LAMP1: variants seen among roughly 807,000 people sequenced by gnomAD.
LAMP1 encodes the protein lysosome associated membrane protein 1.
LAMP1 carries 7 observed loss-of-function variants against 37.5 expected under a neutral mutation model. The ratio of observed to expected loss-of-function variants is 0.19; its 90% CI spans 0.11 to 0.35. LAMP1 has a LOEUF of 0.35. Ranked by LOEUF, LAMP1 falls within the 10% of genes least tolerant of loss-of-function variation. The pLI is 1.00. For synonymous variants in LAMP1, 236 were observed against 229.1 expected, an observed-to-expected ratio of 1.03 and a Z score of -0.27; for missense variants, 537 against 552.8, an observed-to-expected ratio of 0.97 and a Z score of 0.29.
chr13:113,305,103 T>C (rs2042591908), intron 1 of LAMP1: 1 of 152,240 alleles, frequency 6.6e-6, no homozygotes, highest in Non-Finnish European at 1.5e-5. Flanking sequence ...AAGGTTGAAA[T>C]GAGTCGGATT....
chr13:113,301,893 C>T (rs1187737344), intron 1 of LAMP1, among the ~76,000 whole-genome samples: 4 of 124,540 alleles, frequency 3.2e-5, no homozygotes, highest in South Asian at 2.4e-4. Flanking sequence ...GACGGAGTCT[C>T]GCTCTGTCGC....
chr13:113,306,834 C>CTTTTTTTTTTTTTTTTTTT (rs780041684), intron 2 of LAMP1, among the ~76,000 whole-genome samples: 3 of 80,142 alleles, frequency 3.7e-5, no homozygotes, highest in African/African-American at 4.9e-5. Flanking sequence ...GAACATTTTC[C>CTTTTTTTTTTTTTTTTTTT]TTTTTTTTTT....
chr13:113,306,759 T>G (rs1427460371), intron 2 of LAMP1, among the ~76,000 whole-genome samples, 153 bp downstream of exon 2: 2 of 150,824 alleles, frequency 1.3e-5, no homozygotes, highest in Non-Finnish European at 3.0e-5. Context: ...ACCTGCGCTG[T>G]CATGTGCCAT....
chr13:113,297,617 G>A lies in LAMP1; in HGVS notation c.61+122G>A. Reference sequence around the variant, plus strand: ...GGGTCGCCCCGCACCCACTGCTCCTGGTCCCGGCCGGCTCTGCCCGCGGGC... The same window carrying A: ...GGGTCGCCCCGCACCCACTGCTCCTAGTCCCGGCCGGCTCTGCCCGCGGGC... On this transcript the variant is annotated intron_variant, in intron 1 of 8. Transcript: ENST00000332556. This position sits in a 1 kb window ranked among gnomAD's most constrained non-coding sequence, Gnocchi z 4.4. 1 of 930,932 alleles carries A rather than the reference G, an allele frequency of 1.1e-6. No individual in the cohort carries two copies. The highest frequency in any genetic ancestry group is 1.4e-6 in the Non-Finnish European group (1 of 734,726). 57.7% of individuals were successfully genotyped at this position (930,932 alleles called of 1,614,324 possible). A position where few individuals can be genotyped will look rare whatever the true frequency, so the allele number is the denominator to read the frequency against.
intron 1 of LAMP1, among the ~76,000 whole-genome samples, chr13:113,299,064 C>T (rs1044151129): frequency 2.0e-5 from 3 of 151,974 alleles, no homozygotes; most frequent in Non-Finnish European, 4.4e-5. Context: ...TGCTTGAACC[C>T]GGGAAGCAGA....
In LAMP1 at chr13:113,310,597, A is replaced by T. The variant is rs754386751; in HGVS notation, c.404-112A>T. ...TTGCAATTGTGATTTTTTTTTTTTA[A>T]TCTAGAAATCAAGACTGGAATCTAT... On this transcript the variant is annotated intron_variant, in intron 3 of 8. Transcript: ENST00000332556. 4.0e-4 allele frequency: 366 copies of T among 926,372 alleles called. 1 individual carries two copies. Among genetic ancestry groups the T allele is most frequent in the Non-Finnish European group, 5.2e-4 (332 of 636,540 alleles). The allele number at this position is 926,372 out of a possible 1,614,324, so 57.4% of individuals were successfully genotyped here. A position where few individuals can be genotyped will look rare whatever the true frequency, so the allele number is the denominator to read the frequency against.
Position 113,301,858 on chromosome 13 carries a change from C to CTTTTTTTTTTT in LAMP1, c.61+4375_61+4385dup, listed in dbSNP as rs539321614. Among the ~76,000 whole-genome samples the CTTTTTTTTTTT allele has an allele frequency of 2.1e-3, 159 of 74,310 alleles. 18 individuals are homozygous for CTTTTTTTTTTT. The East Asian group carries it at 0.032, about 15-fold the overall frequency. 48.8% of individuals were successfully genotyped at this position (74,310 alleles called of 152,430 possible). A position where few individuals can be genotyped will look rare whatever the true frequency, so the allele number is the denominator to read the frequency against. On this transcript the variant is annotated intron_variant, in intron 1 of 8. Coordinates refer to ENST00000332556, the MANE Select transcript of LAMP1 (RefSeq NM_005561.4). ...GCCAAGAAAAACTAAGATGTGATTTCTTTTTTTTTTTTTTTTTTTTTTGAG... is the reference window on the plus strand; with the variant it reads ...GCCAAGAAAAACTAAGATGTGATTTCTTTTTTTTTTTTTTTTTTTTTTTTTTTTTTTTTGAG...
intron 4 of LAMP1, among the ~76,000 whole-genome samples, chr13:113,313,008 A>G (rs904009948): frequency 6.6e-6 from 1 of 152,020 alleles, no homozygotes; most frequent in African/African-American, 2.4e-5. Context: ...AAGGGCACGC[A>G]CTCTCTGTCA....
Position 113,312,503 on chromosome 13 carries a change from T to A in LAMP1, c.562+1636T>A, listed in dbSNP as rs186217774. 3.5e-3 allele frequency among the ~76,000 whole-genome samples: 526 copies of A among 152,024 alleles called. 2 individuals carry two copies. The highest frequency in any genetic ancestry group is 4.9e-3 in the Non-Finnish European group (334 of 67,976). ...GGCAGACTTTGCCTTCCCTGGTGAGTGGGTGAAAAGGAGCCCAACTTGGAA... is the reference window on the plus strand; with the variant it reads ...GGCAGACTTTGCCTTCCCTGGTGAGAGGGTGAAAAGGAGCCCAACTTGGAA... On this transcript the variant is annotated intron_variant, in intron 4 of 8. Coordinates refer to ENST00000332556, the MANE Select transcript of LAMP1 (RefSeq NM_005561.4).
At chr13:113,319,181 G>A (rs559501709) in intron 4 of LAMP1, among the ~76,000 whole-genome samples, 3 of 152,350 alleles carry the variant, frequency 2.0e-5, no homozygotes, top group East Asian at 3.9e-4. Context: ...GGCTTGGGGT[G>A]TGGTGGGCGG....
intron 3 of LAMP1, 137 bp downstream of exon 3, chr13:113,309,999 C>T (rs565947200): frequency 1.9e-4 from 127 of 675,908 alleles, no homozygotes; most frequent in Non-Finnish European, 3.1e-4. Flanking sequence ...GAGGCTAAGG[C>T]AGACAGATCA....
In LAMP1 at chr13:113,306,834, C is replaced by CTTTTTTTTTTT. The variant is rs780041684; in HGVS notation, c.183+241_183+251dup. 5.8e-3 allele frequency among the ~76,000 whole-genome samples: 467 copies of CTTTTTTTTTTT among 80,162 alleles called. 70 individuals are homozygous for CTTTTTTTTTTT. The highest frequency in any genetic ancestry group is 7.3e-3 in the Non-Finnish European group (337 of 46,138). 52.6% of individuals were successfully genotyped at this position (80,162 alleles called of 152,430 possible). A position where few individuals can be genotyped will look rare whatever the true frequency, so the allele number is the denominator to read the frequency against. ...CTCACTGTTCATCATGAACATTTTCCTTTTTTTTTTTTTTTTTTTTTTTGA... is the reference window on the plus strand; with the variant it reads ...CTCACTGTTCATCATGAACATTTTCCTTTTTTTTTTTTTTTTTTTTTTTTTTTTTTTTTTGA... On this transcript the variant is annotated intron_variant, in intron 2 of 8. Transcript: ENST00000332556.
chr13:113,315,362 G>C (rs1482219811), intron 4 of LAMP1, among the ~76,000 whole-genome samples: 2 of 147,704 alleles, frequency 1.4e-5, no homozygotes, highest in African/African-American at 2.5e-5. Context: ...CGCTTCACCA[G>C]AAAGCCTCAT....
In LAMP1 at chr13:113,297,716, C is replaced by G. The variant is rs147163985; in HGVS notation, c.61+221C>G. On this transcript the variant is annotated intron_variant, in intron 1 of 8. Coordinates refer to ENST00000332556, the MANE Select transcript of LAMP1 (RefSeq NM_005561.4). The surrounding 1 kb of genome is among the most constrained non-coding windows in gnomAD (Gnocchi z 4.4). ...TGCTTGGGGGACCAGGAGGTCTCAT[C>G]CCAGGACCTGGCTCCTCTAAGGTCT... Among the ~76,000 whole-genome samples the G allele has an allele frequency of 3.9e-5, 6 of 152,234 alleles. No individual in the cohort carries two copies. The highest frequency in any genetic ancestry group is 1.4e-4 in the African/African-American group (6 of 41,462).
intron 4 of LAMP1, among the ~76,000 whole-genome samples, chr13:113,318,989 AC>A (rs2042682106): frequency 6.6e-6 from 1 of 152,194 alleles, no homozygotes; most frequent in South Asian, 2.1e-4. Flanking sequence ...TGTTTCCAGC[AC>A]GATCCTGGCG....
rs1195907560 is a variant in LAMP1 at position 113,309,667 on chromosome 13, G to T, written c.208G>T (p.Asp70Tyr). ...PKNMTFDLPS[D>Y]ATVVLNRSSC... is the part of the protein sequence containing the mutation. ...GAACATGACCTTTGACCTGCCATCA[G>T]ATGCCACAGTGGTGCTCAACCGCAG... Residue 70 changes from aspartate to tyrosine, a missense_variant, in exon 3 of 9, where the codon GAT becomes TAT. By Grantham distance (160) the Asp-to-Tyr change is radical. Coordinates refer to ENST00000332556, the MANE Select transcript of LAMP1 (RefSeq NM_005561.4). 6.2e-7 allele frequency: 1 copy of T among 1,613,648 alleles called. No homozygotes were observed. Among genetic ancestry groups the T allele is most frequent in the Non-Finnish European group, 8.5e-7 (1 of 1,179,752 alleles).
chr13:113,300,747 G>C (rs1002019013), intron 1 of LAMP1, among the ~76,000 whole-genome samples: 3 of 152,152 alleles, frequency 2.0e-5, no homozygotes, highest in African/African-American at 7.2e-5. Flanking sequence ...GAACCCGGAA[G>C]GTGGAGGTTG....
intron 1 of LAMP1, chr13:113,305,757 C>T (rs1199843064): frequency 6.6e-6 from 1 of 152,178 alleles, no homozygotes; most frequent in Non-Finnish European, 1.5e-5. Context: ...AGGTGAGGAC[C>T]ACAGTGAAAG....
intron 1 of LAMP1, among the ~76,000 whole-genome samples, chr13:113,301,641 AAAAATAT>A (rs1330022806): frequency 1.3e-4 from 4 of 30,432 alleles, no homozygotes; most frequent in African/African-American, 4.9e-4. Context: ...AAAAAAAAAA[AAAAATAT>A]ATATATATAT....
Sources: allele counts gnomAD v4.1 joint callset (sites outside exome capture counted in the v4.1 genomes callset), GRCh38; gene constraint gnomAD v4.1.1; non-coding constraint Gnocchi (gnomAD v3.1); transcripts MANE v1.5; gene names NCBI Gene and HGNC (gene_info 2026-07-23, HGNC 2026-07-21).